Variants in ANAPC10 observed in about 807,000 individuals in gnomAD.
The protein encoded by ANAPC10 is anaphase-promoting complex subunit 10.
ANAPC10 carries 12 observed loss-of-function variants against 22.0 expected under a neutral mutation model. The ratio of observed to expected loss-of-function variants is 0.55; its 90% confidence interval spans 0.35 to 0.88. The LOEUF (loss-of-function observed/expected upper bound fraction) is 0.88, where lower values mean the gene tolerates loss of function less well. Among genes scored for constraint, ANAPC10 ranks in the 40% least tolerant of loss-of-function variants. ANAPC10 has a pLI of 0.01. For missense variants in ANAPC10, 188 were observed against 220.9 expected (o/e 0.85, Z 0.94); for synonymous variants, 65 against 69.5 (o/e 0.94, Z 0.32).
chr4:145,041,789 C>T (rs1461872211), intron 4 of ANAPC10, among the ~76,000 whole-genome samples: 2 of 152,052 alleles, frequency 1.3e-5, no homozygotes, highest in African/African-American at 4.8e-5. Context: ...TAAATAACCA[C>T]AAGAAACAAT....
At chr4:145,052,939 A>G (rs886792714) in intron 4 of ANAPC10, among the ~76,000 whole-genome samples, 4 of 151,894 alleles carry the variant, frequency 2.6e-5, no homozygotes, top group Non-Finnish European at 5.9e-5. Flanking sequence ...ACATTTCTTT[A>G]GCAGCATATA....
chr4:145,041,378 T>C (rs533353379), intron 4 of ANAPC10, among the ~76,000 whole-genome samples: 135 of 152,324 alleles, frequency 8.9e-4, no homozygotes, highest in Non-Finnish European at 1.6e-3. Context: ...TTGAGAAAAA[T>C]GTTTTAACTT....
intron 4 of ANAPC10, among the ~76,000 whole-genome samples, chr4:145,060,975 G>A (rs1004252900): frequency 6.6e-6 from 1 of 152,086 alleles, no homozygotes; most frequent in African/African-American, 2.4e-5. Context: ...CATATCACGA[G>A]CTGCAAAAGC....
At chr4:145,017,781 T>G (rs1326973396) in intron 4 of ANAPC10, among the ~76,000 whole-genome samples, 7 of 152,142 alleles carry the variant, frequency 4.6e-5, no homozygotes. Flanking sequence ...TGGAATACTA[T>G]GCACCCATAA....
chr4:144,995,666 T>C (rs1578841756), intron 4 of ANAPC10, 63 bp from the exon 5 acceptor site: 2 of 1,061,262 alleles, frequency 1.9e-6, no homozygotes, highest in East Asian at 2.6e-5. Context: ...TAACAATGAA[T>C]GCATTCTATA....
intron 3 of ANAPC10, among the ~76,000 whole-genome samples, chr4:145,072,929 G>A (rs201053830): frequency 2.7e-5 from 4 of 149,026 alleles, no homozygotes; most frequent in Admixed American, 6.7e-5. Flanking sequence ...ACAGGGTCTC[G>A]CTCTGTCACC....
chr4:145,031,116 A>C (rs1282985909), intron 4 of ANAPC10, among the ~76,000 whole-genome samples: 1 of 152,226 alleles, frequency 6.6e-6, no homozygotes, highest in Non-Finnish European at 1.5e-5. Context: ...TTCAGCTAGC[A>C]AGGCCAGCAA....
intron 4 of ANAPC10, among the ~76,000 whole-genome samples, chr4:145,049,762 T>G (rs924559969): frequency 1.3e-5 from 2 of 152,106 alleles, no homozygotes; most frequent in African/African-American, 4.8e-5. Flanking sequence ...TTGAATTTCT[T>G]TTGTAGAGAT....
intron 4 of ANAPC10, among the ~76,000 whole-genome samples, chr4:145,012,245 A>G (rs1027965968): frequency 6.7e-6 from 1 of 150,174 alleles, no homozygotes; most frequent in Non-Finnish European, 1.5e-5. Flanking sequence ...TAGCTACATT[A>G]AAATTAAAAA....
At position 145,039,557 on chromosome 4, in the gene ANAPC10, T is replaced by C. The variant is rs147195699; in HGVS notation, c.327+25015A>G. 4.2e-3 allele frequency among the ~76,000 whole-genome samples: 646 copies of C among 152,252 alleles called. 3 individuals carry two copies. Among genetic ancestry groups the C allele is most frequent in the African/African-American group, 0.014 (589 of 41,542 alleles). On this transcript the variant is annotated intron_variant, in intron 4 of 4. Coordinates refer to ENST00000507656, the MANE Select transcript of ANAPC10 (RefSeq NM_001256706.2). ...CACAGTTGTAAGAACTATAGATGTA[T>C]TGATTTTTTTCCAGCCTTGCAATAG...
At chr4:145,049,882 A>G (rs573278689) in intron 4 of ANAPC10, among the ~76,000 whole-genome samples, 1 of 152,268 alleles carries the variant, frequency 6.6e-6, no homozygotes, top group East Asian at 1.9e-4. Flanking sequence ...TTCTAATGGT[A>G]GTTATCTTGC....
At chr4:145,032,614 C>T (rs546739624) in intron 4 of ANAPC10, among the ~76,000 whole-genome samples, 131 of 152,280 alleles carry the variant, frequency 8.6e-4, no homozygotes, top group African/African-American at 3.0e-3. Flanking sequence ...CCCAATGGGC[C>T]CATGAACAAA....
intron 4 of ANAPC10, among the ~76,000 whole-genome samples, chr4:145,012,176 G>GACA (rs1734435651): frequency 1.4e-5 from 2 of 140,632 alleles, no homozygotes; most frequent in Non-Finnish European, 3.1e-5. Flanking sequence ...GTGTGTGTGT[G>GACA]TATATATATA....
intron 2 of ANAPC10, among the ~76,000 whole-genome samples, chr4:145,084,945 T>C (rs1032042463): frequency 2.6e-5 from 4 of 152,230 alleles, no homozygotes; most frequent in African/African-American, 9.6e-5. Flanking sequence ...CCCATGAAAC[T>C]TGTATATATA....
intron 4 of ANAPC10, chr4:145,035,268 T>C (rs532693163): frequency 1.3e-5 from 2 of 152,324 alleles, no homozygotes; most frequent in Admixed American, 1.3e-4. Context: ...AGCTGTGTGC[T>C]TGGTCAAAGA....
chr4:145,007,268 C>T (rs1733529751), intron 4 of ANAPC10, among the ~76,000 whole-genome samples: 1 of 152,128 alleles, frequency 6.6e-6, no homozygotes, highest in Non-Finnish European at 1.5e-5. Flanking sequence ...AGGACTTGAA[C>T]TCAGCTATGC....
intron 4 of ANAPC10, among the ~76,000 whole-genome samples, chr4:145,018,460 C>G (rs536022631): frequency 6.6e-6 from 1 of 151,716 alleles, no homozygotes; most frequent in African/African-American, 2.4e-5. Flanking sequence ...ATGGTGAAAC[C>G]CCATCTCTAC....
At chr4:145,022,101 T>C (rs932991153) in intron 4 of ANAPC10, among the ~76,000 whole-genome samples, 1 of 152,134 alleles carries the variant, frequency 6.6e-6, no homozygotes, top group African/African-American at 2.4e-5. Flanking sequence ...AGTATGGAGA[T>C]TCCTTAAAGA....
At chr4:145,036,994 ACG>A (rs1491362970) in intron 4 of ANAPC10, among the ~76,000 whole-genome samples, 2 of 104,664 alleles carry the variant, frequency 1.9e-5, no homozygotes, top group East Asian at 2.7e-4. Context: ...CAAATAGATA[ACG>A]TGTGTGTGTG....
Sources: gnomAD v4.1 joint callset for allele counts (sites outside exome capture counted in the v4.1 genomes callset) on GRCh38, gnomAD v4.1.1 for gene constraint, MANE v1.5 for transcripts, NCBI Gene and HGNC (gene_info 2026-07-23, HGNC 2026-07-21) for gene names.